The following TMEM47 variants were observed in gnomAD, a reference collection of about 807,000 sequenced individuals.
TMEM47 encodes the protein brain cell membrane protein 1.
A neutral mutation model predicts 12.4 loss-of-function variants in TMEM47; 3 were observed. That is an observed-to-expected ratio of 0.24 (90% CI 0.11 to 0.63). TMEM47 has a LOEUF of 0.63. Among genes scored for constraint, TMEM47 ranks in the 20% least tolerant of loss-of-function variants. TMEM47 has a pLI of 0.86. For missense variants in TMEM47, 89 were observed against 143.8 expected (o/e 0.62, Z 1.95); for synonymous variants, 62 against 63.3 (o/e 0.98, Z 0.10).
chrX:34,634,996 A>G (rs761917360), intron 2 of TMEM47, among the ~76,000 whole-genome samples: 1 of 111,621 alleles, frequency 9.0e-6, no homozygotes, highest in African/African-American at 3.3e-5. Context: ...CTATCCATAT[A>G]TTTTTATCTT....
intron 1 of TMEM47, among the ~76,000 whole-genome samples, chrX:34,644,081 GAAAA>G (rs75902813): frequency 1.9e-5 from 2 of 105,600 alleles, no homozygotes; most frequent in African/African-American, 6.9e-5. Flanking sequence ...TCTATAACAG[GAAAA>G]AAAAAGTAAA....
intron 1 of TMEM47, among the ~76,000 whole-genome samples, chrX:34,643,401 T>C (rs936613053): frequency 7.2e-5 from 8 of 111,173 alleles, no homozygotes; most frequent in African/African-American, 2.6e-4. Flanking sequence ...ACCCTGACTT[T>C]TCCACCAAAA....
At position 34,628,699 on chromosome X, in the gene TMEM47, T is replaced by C. The variant is rs1203986478; in HGVS notation, c.*1614A>G. 9.0e-6 allele frequency: 1 copy of C among 111,421 alleles called. No homozygotes were observed. The highest frequency in any genetic ancestry group is 9.6e-5 in the Admixed American group (1 of 10,371). 9.2% of individuals were successfully genotyped at this position (111,421 alleles called of 1,213,427 possible). ...GCAATACAGTAACATATAGCTACTTTTAAAGTAATTTTTCTAATGCTTCTT... is the reference window on the plus strand; with the variant it reads ...GCAATACAGTAACATATAGCTACTTCTAAAGTAATTTTTCTAATGCTTCTT... On this transcript the variant is annotated 3_prime_UTR_variant, in exon 3 of 3. Coordinates refer to ENST00000275954, the MANE Select transcript of TMEM47 (RefSeq NM_031442.4).
chrX:34,634,453 A>T lies in TMEM47; in HGVS notation c.368-3962T>A, dbSNP rs376070140. Among the ~76,000 whole-genome samples the T allele has an allele frequency of 1.4e-3, 145 of 105,081 alleles. 1 individual carries two copies. Among genetic ancestry groups the T allele is most frequent in the Middle Eastern group, 4.9e-3 (1 of 205 alleles). The allele number at this position is 105,081 out of a possible 115,157, so 91.3% of individuals were successfully genotyped here. The stretch of plus-strand genomic sequence containing the variant: ...TATTTTCTTCTAAGAAGGACATTTC[A>T]CTATTTTGATAAACATATATTGGGT... On this transcript the variant is annotated intron_variant, in intron 2 of 2. Coordinates refer to ENST00000275954, the MANE Select transcript of TMEM47 (RefSeq NM_031442.4).
Position 34,657,124 on chromosome X carries a change from G to C in TMEM47, c.-95C>G, listed in dbSNP as rs1292478270. On this transcript the variant is annotated 5_prime_UTR_variant, in exon 1 of 3. Coordinates refer to ENST00000275954, the MANE Select transcript of TMEM47 (RefSeq NM_031442.4). Reference sequence around the variant, plus strand: ...GGACCTCCCGAAGGGAGAAGCCGCCGAGCTGCCACGCGCGGGGACTCGCTC... The same window carrying C: ...GGACCTCCCGAAGGGAGAAGCCGCCCAGCTGCCACGCGCGGGGACTCGCTC... 1 of 1,044,615 alleles carries C rather than the reference G, an allele frequency of 9.6e-7. No homozygotes were observed. The highest frequency in any genetic ancestry group is 2.0e-5 in the African/African-American group (1 of 49,913). 86.1% of individuals were successfully genotyped at this position (1,044,615 alleles called of 1,213,427 possible).
intron 1 of TMEM47, 37 bp downstream of exon 1, chrX:34,656,767 G>C: frequency 8.7e-7 from 1 of 1,152,143 alleles, no homozygotes; most frequent in Non-Finnish European, 1.2e-6. Context: ...GGCAGTCCGG[G>C]GCGGGAGGCA....
chrX:34,645,216 G>A (rs1298041692), intron 1 of TMEM47, among the ~76,000 whole-genome samples: 1 of 111,541 alleles, frequency 9.0e-6, no homozygotes, highest in Non-Finnish European at 1.9e-5. Flanking sequence ...TAGTACTAAA[G>A]GAAAAAAGAA....
At chrX:34,634,068 A>G (rs1166016126) in intron 2 of TMEM47, among the ~76,000 whole-genome samples, 2 of 108,555 alleles carry the variant, frequency 1.8e-5, no homozygotes, top group Admixed American at 9.9e-5. Flanking sequence ...TAGAGGGAAG[A>G]AAAAAAAAAC....
intron 2 of TMEM47, among the ~76,000 whole-genome samples, chrX:34,636,354 C>A (rs959195825): frequency 2.7e-5 from 3 of 111,536 alleles, no homozygotes; most frequent in Non-Finnish European, 3.8e-5. Flanking sequence ...AGGCTTTCTG[C>A]AGATATAACA....
Position 34,657,021 on chromosome X carries a change from C to A in TMEM47, c.9G>T (p.Ser3=). The part of the protein sequence containing the change: MA[S]AGSGMEEVRV... ...GCACCTCCTCCATGCCGCTGCCCGC[C>A]GAAGCCATTCCTGGGCGCCGCTGTC... Residue 3 remains serine, a synonymous_variant, in exon 1 of 3, where the codon TCG becomes TCT. Coordinates refer to ENST00000275954, the MANE Select transcript of TMEM47 (RefSeq NM_031442.4). 8.7e-7 allele frequency: 1 copy of A among 1,148,391 alleles called. No individual in the cohort carries two copies. The highest frequency in any genetic ancestry group is 1.2e-6 in the Non-Finnish European group (1 of 862,110). 94.6% of individuals were successfully genotyped at this position (1,148,391 alleles called of 1,213,427 possible).
Position 34,631,138 on chromosome X carries a change from T to C in TMEM47, c.368-647A>G, listed in dbSNP as rs181471877. Among the ~76,000 whole-genome samples the C allele has an allele frequency of 3.8e-3, 286 of 74,660 alleles. 1 individual carries two copies. The highest frequency in any genetic ancestry group is 0.015 in the African/African-American group (278 of 17,946). The allele number at this position is 74,660 out of a possible 115,157, so 64.8% of individuals were successfully genotyped here. A position where few individuals can be genotyped will look rare whatever the true frequency, so the allele number is the denominator to read the frequency against. ...GTGAGCTGAGATCATGCCACTGCAC[T>C]CCAGCCTGGGCGACAGAGCCAGACT... On this transcript the variant is annotated intron_variant, in intron 2 of 2. Coordinates refer to ENST00000275954, the MANE Select transcript of TMEM47 (RefSeq NM_031442.4).
chrX:34,641,671 G>A (rs1384184768), intron 1 of TMEM47, among the ~76,000 whole-genome samples: 2 of 111,440 alleles, frequency 1.8e-5, no homozygotes, highest in African/African-American at 6.5e-5. Flanking sequence ...TAAAATACAC[G>A]TTTTGCATTT....
chrX:34,640,770 T>C (rs1374683787), intron 1 of TMEM47, among the ~76,000 whole-genome samples: 1 of 111,400 alleles, frequency 9.0e-6, no homozygotes, highest in Admixed American at 9.6e-5. Flanking sequence ...AAGATTTTCT[T>C]TTATTTATAT....
intron 2 of TMEM47, among the ~76,000 whole-genome samples, chrX:34,631,278 T>C (rs1412158043): frequency 9.2e-6 from 1 of 109,278 alleles, no homozygotes; most frequent in Non-Finnish European, 1.9e-5. Context: ...TTCAAATTAA[T>C]TTCTACTGAT....
At chrX:34,641,354 T>A (rs1921815020) in intron 1 of TMEM47, among the ~76,000 whole-genome samples, 1 of 112,300 alleles carries the variant, frequency 8.9e-6, no homozygotes, top group African/African-American at 3.2e-5. Flanking sequence ...CTATGCTCCA[T>A]ATGTTCTAGT....
In TMEM47 at chrX:34,651,023, A is replaced by G. The variant is rs748278871; in HGVS notation, c.226+5781T>C. Among the ~76,000 whole-genome samples the G allele has an allele frequency of 1.2e-3, 130 of 111,996 alleles. 1 individual carries two copies. The highest frequency in any genetic ancestry group is 4.1e-3 in the African/African-American group (125 of 30,785). ...TTGTTGTTGTTGTTCTTCAAAGGCA[A>G]TAAAGAATGCAGATTTGCAGTTAGA... On this transcript the variant is annotated intron_variant, in intron 1 of 2. Coordinates refer to ENST00000275954, the MANE Select transcript of TMEM47 (RefSeq NM_031442.4).
At chrX:34,642,415 T>C (rs1035678207) in intron 1 of TMEM47, among the ~76,000 whole-genome samples, 3 of 112,139 alleles carry the variant, frequency 2.7e-5, no homozygotes, top group Admixed American at 9.5e-5. Context: ...ATTTCCTCAA[T>C]ATAGCAATTC....
In TMEM47 at chrX:34,635,265, T is replaced by C. The variant is rs138090966; in HGVS notation, c.367+3982A>G. Among the ~76,000 whole-genome samples the C allele has an allele frequency of 2.9e-4, 33 of 112,302 alleles. No individual in the cohort carries two copies. In the East Asian group the frequency reaches 5.1e-3, roughly 17 times the overall value. On this transcript the variant is annotated intron_variant, in intron 2 of 2. Coordinates refer to ENST00000275954, the MANE Select transcript of TMEM47 (RefSeq NM_031442.4). Reference sequence around the variant, plus strand: ...CGTGTTCTACACCGGTTTTTAAAGTTTCCCCAAGAAGATTAAGCTCCAGCT... The same window carrying C: ...CGTGTTCTACACCGGTTTTTAAAGTCTCCCCAAGAAGATTAAGCTCCAGCT...
intron 2 of TMEM47, among the ~76,000 whole-genome samples, chrX:34,631,675 C>T (rs775232284): frequency 2.6e-4 from 29 of 111,140 alleles, no homozygotes; most frequent in Non-Finnish European, 4.3e-4. Context: ...TTAGTCATAC[C>T]GAATAAAATA....
Sources: allele counts gnomAD v4.1 joint callset (sites outside exome capture counted in the v4.1 genomes callset), GRCh38; gene constraint gnomAD v4.1.1; transcripts MANE v1.5; gene names NCBI Gene and HGNC (gene_info 2026-07-23, HGNC 2026-07-21).